Variants in DBT observed in about 807,000 individuals in gnomAD.
The protein encoded by DBT is dihydrolipoamide branched chain transacylase E2.
A neutral mutation model predicts 51.3 loss-of-function variants in DBT; 40 were observed. The ratio of observed to expected loss-of-function variants is 0.78; its 90% confidence interval spans 0.61 to 1.02. DBT has a LOEUF of 1.02. DBT is among the 50% of genes least tolerant of loss of function. The probability of loss-of-function intolerance (pLI) is 0.00; values close to 1 mark genes in which losing one functional copy is unlikely to be tolerated. For synonymous variants in DBT, 181 were observed against 190.4 expected (o/e 0.95, Z 0.41); for missense variants, 510 against 580.2 (o/e 0.88, Z 1.24).
intron 7 of DBT, among the ~76,000 whole-genome samples, chr1:100,212,573 A>G (rs1315545646): frequency 6.6e-6 from 1 of 152,208 alleles, no homozygotes; most frequent in East Asian, 1.9e-4. Flanking sequence ...AAAGGGAGAT[A>G]AAGAAGAATA....
At chr1:100,216,400 T>C (rs1263035792) in intron 5 of DBT, among the ~76,000 whole-genome samples, 2 of 152,208 alleles carry the variant, frequency 1.3e-5, no homozygotes, top group Non-Finnish European at 2.9e-5. Flanking sequence ...CCATCAGGTA[T>C]CTATATTATA....
Position 100,207,938 on chromosome 1 carries a change from C to A in DBT, c.1018-1302G>T, listed in dbSNP as rs893867536. Among the ~76,000 whole-genome samples the A allele has an allele frequency of 5.3e-5, 8 of 152,128 alleles. 1 individual carries two copies. In the East Asian group the frequency reaches 5.8e-4, roughly 11 times the overall value. The stretch of plus-strand genomic sequence containing the variant: ...ACGAGGTCAGGAGATGGAGACCATC[C>A]TGGCTAACACAGTGAAACCCCATCT... On this transcript the variant is annotated intron_variant, in intron 8 of 10. Coordinates refer to ENST00000370132, the MANE Select transcript of DBT (RefSeq NM_001918.5).
At chr1:100,209,706 C>T (rs961010120) in intron 8 of DBT, among the ~76,000 whole-genome samples, 3 of 152,044 alleles carry the variant, frequency 2.0e-5, no homozygotes, top group Non-Finnish European at 2.9e-5. Context: ...GGACTATAGG[C>T]GCTGGCCACC....
At position 100,195,057 on chromosome 1, in the gene DBT, A is replaced by G. The variant is rs947041211; in HGVS notation, c.*1198T>C. ...AAAATTTCTTATTTTTTATATCCAT[A>G]ATTACTATTAGACTCTTCCTTCTCC... On this transcript the variant is annotated 3_prime_UTR_variant, in exon 11 of 11. Coordinates refer to ENST00000370132, the MANE Select transcript of DBT (RefSeq NM_001918.5). 6.6e-6 allele frequency: 1 copy of G among 152,422 alleles called. No homozygotes were observed. Among genetic ancestry groups the G allele is most frequent in the African/African-American group, 2.4e-5 (1 of 41,450 alleles). 9.4% of individuals were successfully genotyped at this position (152,422 alleles called of 1,614,324 possible). A position where few individuals can be genotyped will look rare whatever the true frequency, so the allele number is the denominator to read the frequency against.
chr1:100,244,589 C>A (rs1664428377), intron 1 of DBT, among the ~76,000 whole-genome samples: 1 of 152,096 alleles, frequency 6.6e-6, no homozygotes, highest in Non-Finnish European at 1.5e-5. Context: ...CGTTCAAGAT[C>A]CCCCGGTGGG....
At chr1:100,202,995 G>A (rs573085153) in intron 10 of DBT, among the ~76,000 whole-genome samples, 5 of 152,128 alleles carry the variant, frequency 3.3e-5, no homozygotes, top group Middle Eastern at 3.4e-3. Context: ...GAAGAAAGCA[G>A]GAAAGATCTA....
At chr1:100,197,920 A>AT (rs1661203915) in intron 10 of DBT, among the ~76,000 whole-genome samples, 1 of 152,168 alleles carries the variant, frequency 6.6e-6, no homozygotes, top group South Asian at 2.1e-4. Flanking sequence ...ATTAAATACT[A>AT]TTTGTCCCTA....
intron 6 of DBT, 52 bp from the exon 7 acceptor site, chr1:100,215,035 T>A (rs1036782506): frequency 1.3e-5 from 15 of 1,115,886 alleles, no homozygotes; most frequent in Non-Finnish European, 1.6e-5. Context: ...AATCTCTTCA[T>A]CCTTTTTTTT....
At position 100,191,243 on chromosome 1, in the gene DBT, G is replaced by A. The variant is rs1000509429; in HGVS notation, c.*5012C>T. 1 of 152,208 alleles carries A rather than the reference G, an allele frequency of 6.6e-6. No individual in the cohort carries two copies. Among genetic ancestry groups the A allele is most frequent in the Admixed American group, 6.5e-5 (1 of 15,272 alleles). 9.4% of individuals were successfully genotyped at this position (152,208 alleles called of 1,614,324 possible). A position where few individuals can be genotyped will look rare whatever the true frequency, so the allele number is the denominator to read the frequency against. On this transcript the variant is annotated 3_prime_UTR_variant, in exon 11 of 11. Coordinates refer to ENST00000370132, the MANE Select transcript of DBT (RefSeq NM_001918.5). Reference sequence around the variant, plus strand: ...ACATTTTGACAGCATCAGTTGAACTGTCAGCATAACATGAAGTTTGAGAGT... The same window carrying A: ...ACATTTTGACAGCATCAGTTGAACTATCAGCATAACATGAAGTTTGAGAGT...
At position 100,218,690 on chromosome 1, in the gene DBT, T is replaced by C; in HGVS notation, c.491A>G (p.Gln164Arg). 2.5e-6 allele frequency: 4 copies of C among 1,614,052 alleles called. No individual in the cohort carries two copies. The highest frequency in any genetic ancestry group is 3.4e-6 in the Non-Finnish European group (4 of 1,179,946). The change falls in exon 5 of 11, where the codon CAA becomes CGA. Residue 164 changes from glutamine (Q) to arginine (R), a missense_variant. Coordinates refer to ENST00000370132, the MANE Select transcript of DBT (RefSeq NM_001918.5). ...PAVSHDEHTH[Q>R]EIKGRKTLAT... Reference sequence around the variant, plus strand: ...CAGTGTTTTTCGGCCCTTTATCTCTTGGTGTGTATGTTCATCATGAGACAC... The same window carrying C: ...CAGTGTTTTTCGGCCCTTTATCTCTCGGTGTGTATGTTCATCATGAGACAC...
chr1:100,198,934 A>T (rs1395865971), intron 10 of DBT, among the ~76,000 whole-genome samples: 1 of 152,218 alleles, frequency 6.6e-6, no homozygotes, highest in East Asian at 1.9e-4. Flanking sequence ...TGTAGAAAAG[A>T]AAGGCTCTTC....
chr1:100,225,023 A>C (rs868747007), intron 4 of DBT, among the ~76,000 whole-genome samples: 170 of 8,656 alleles, frequency 0.02, no homozygotes, highest in Admixed American at 0.027. Flanking sequence ...GTCTCCCCCC[A>C]AAAAAAAAAA....
At chr1:100,196,864 GACA>G (rs1431362374) in intron 10 of DBT, 2 of 196,430 alleles carry the variant, frequency 1.0e-5, no homozygotes, top group South Asian at 9.6e-5. Context: ...AAGAAGACAG[GACA>G]ACAACATGCT....
rs867643516 is a variant in DBT at position 100,194,258 on chromosome 1, C to A, written c.*1997G>T. On this transcript the variant is annotated 3_prime_UTR_variant, in exon 11 of 11. Coordinates refer to ENST00000370132, the MANE Select transcript of DBT (RefSeq NM_001918.5). ...TGACAGCTCACTACAGCTTTGAACT[C>A]CTGGGCTCAATTGATCCTCTTGTCT... 6.6e-6 allele frequency: 1 copy of A among 152,090 alleles called. No individual in the cohort carries two copies. The highest frequency in any genetic ancestry group is 2.4e-5 in the African/African-American group (1 of 41,402). The allele number at this position is 152,090 out of a possible 1,614,324, so 9.4% of individuals were successfully genotyped here.
At chr1:100,221,146 G>A (rs2100809283) in intron 4 of DBT, among the ~76,000 whole-genome samples, 1 of 152,228 alleles carries the variant, frequency 6.6e-6, no homozygotes, top group East Asian at 1.9e-4. Context: ...AAAACATTTT[G>A]TGATATATTA....
At chr1:100,223,450 A>C (rs993743270) in intron 4 of DBT, among the ~76,000 whole-genome samples, 51 of 152,134 alleles carry the variant, frequency 3.4e-4, no homozygotes, top group African/African-American at 1.2e-3. Context: ...CACCCGTCTA[A>C]CTTTTTTGTT....
chr1:100,249,731 C>A (rs763704134), intron 1 of DBT, 39 bp downstream of exon 1: 3 of 1,605,756 alleles, frequency 1.9e-6, no homozygotes, highest in Non-Finnish European at 2.6e-6. Flanking sequence ...CCGGACAAAT[C>A]ACTCCTTCCC....
At chr1:100,227,970 C>G (rs187358672) in intron 4 of DBT, among the ~76,000 whole-genome samples, 1 of 152,028 alleles carries the variant, frequency 6.6e-6, no homozygotes. Context: ...CTCAGCCTCC[C>G]GAGTAGGTGA....
At chr1:100,244,124 G>A (rs1557962801) in intron 1 of DBT, among the ~76,000 whole-genome samples, 4 of 146,184 alleles carry the variant, frequency 2.7e-5, no homozygotes, top group African/African-American at 7.5e-5. Flanking sequence ...TTTTTTTCAC[G>A]TTAGTGTGAC....
Sources: gnomAD v4.1 joint callset for allele counts (sites outside exome capture counted in the v4.1 genomes callset) on GRCh38, gnomAD v4.1.1 for gene constraint, MANE v1.5 for transcripts, NCBI Gene and HGNC (gene_info 2026-07-23, HGNC 2026-07-21) for gene names.